ME2: variants seen among roughly 807,000 people sequenced by gnomAD.
ME2 encodes the protein malic enzyme 2, also known as NAD-dependent malic enzyme, mitochondrial.
A neutral mutation model predicts 73.7 loss-of-function variants in ME2; 60 were observed. That is an observed-to-expected ratio of 0.81 (90% CI 0.66 to 1.01). The LOEUF (loss-of-function observed/expected upper bound fraction) is 1.01, where lower values mean the gene tolerates loss of function less well. Among genes scored for constraint, ME2 ranks in the 50% least tolerant of loss-of-function variants. ME2 has a pLI of 0.00. For missense variants in ME2, 594 were observed against 705.5 expected (o/e 0.84, Z 1.79); for synonymous variants, 199 against 236.9 (o/e 0.84, Z 1.47).
chr18:50,906,131 A>G (rs1310689102), intron 2 of ME2, among the ~76,000 whole-genome samples: 2 of 152,090 alleles, frequency 1.3e-5, no homozygotes, highest in Non-Finnish European at 2.9e-5. Context: ...AATGTATTCA[A>G]AGATGTGAAT....
At chr18:50,925,707 C>G in intron 11 of ME2, 49 bp from the exon 12 acceptor site, 2 of 1,548,686 alleles carry the variant, frequency 1.3e-6, no homozygotes, top group Non-Finnish European at 1.8e-6. Context: ...ATAAGCATTG[C>G]TTTTATACCT....
intron 1 of ME2, among the ~76,000 whole-genome samples, chr18:50,894,748 G>T (rs999611622): frequency 6.6e-6 from 1 of 151,542 alleles, no homozygotes; most frequent in East Asian, 1.9e-4. Context: ...GTGGTGGCGG[G>T]CGCCTGTAGT....
At chr18:50,935,994 A>AC (rs1295205471) in intron 13 of ME2, among the ~76,000 whole-genome samples, 1 of 152,098 alleles carries the variant, frequency 6.6e-6, no homozygotes, top group African/African-American at 2.4e-5. Context: ...TTTTTTTAGA[A>AC]CTGGTGATTG....
intron 1 of ME2, among the ~76,000 whole-genome samples, chr18:50,887,592 T>C (rs1286786212): frequency 1.3e-5 from 2 of 152,240 alleles, no homozygotes; most frequent in African/African-American, 2.4e-5. Context: ...ACACCATAAG[T>C]AGAATCCTAA....
At chr18:50,897,603 G>A (rs548421638) in intron 2 of ME2, among the ~76,000 whole-genome samples, 1 of 152,124 alleles carries the variant, frequency 6.6e-6, no homozygotes, top group Non-Finnish European at 1.5e-5. Flanking sequence ...GCTTATGCCT[G>A]TAATCCCAGC....
chr18:50,879,811 T>C (rs1916269846), intron 1 of ME2, among the ~76,000 whole-genome samples: 1 of 152,184 alleles, frequency 6.6e-6, no homozygotes, highest in South Asian at 2.1e-4. Context: ...AGTTCTGAGA[T>C]TGGACCGATT....
At chr18:50,891,411 T>A (rs1916602396) in intron 1 of ME2, among the ~76,000 whole-genome samples, 1 of 152,166 alleles carries the variant, frequency 6.6e-6, no homozygotes, top group Admixed American at 6.5e-5. Context: ...TTGTTTTAAA[T>A]CTGAATTCTG....
At chr18:50,895,778 T>C (rs762987075) in intron 1 of ME2, 31 bp from the exon 2 acceptor site, 2 of 1,406,212 alleles carry the variant, frequency 1.4e-6, no homozygotes, top group South Asian at 1.2e-5. Context: ...TATGATTCTC[T>C]TCAGTGGTTT....
chr18:50,880,618 G>A (rs1189218514), intron 1 of ME2, among the ~76,000 whole-genome samples: 1 of 152,120 alleles, frequency 6.6e-6, no homozygotes, highest in Non-Finnish European at 1.5e-5. Context: ...GGGCTTCGCC[G>A]TATTGGCCAG....
chr18:50,922,366 G>A (rs1015537230), intron 10 of ME2, among the ~76,000 whole-genome samples: 8 of 152,226 alleles, frequency 5.3e-5, no homozygotes, highest in Non-Finnish European at 1.2e-4. Flanking sequence ...ATAAGTGACG[G>A]AGGTAGGATT....
At chr18:50,912,401 G>A (rs1308378800) in intron 3 of ME2, among the ~76,000 whole-genome samples, 1 of 152,134 alleles carries the variant, frequency 6.6e-6, no homozygotes, top group Non-Finnish European at 1.5e-5. Context: ...CAGGCATATA[G>A]TGTTAAGCAA....
intron 1 of ME2, among the ~76,000 whole-genome samples, chr18:50,879,544 C>G (rs948136841): frequency 1.3e-5 from 2 of 152,230 alleles, no homozygotes; most frequent in African/African-American, 4.8e-5. Flanking sequence ...GGCCGCGGCT[C>G]TACCCGGCGC....
In ME2 at chr18:50,918,190, G is replaced by A. The variant is rs772889243; in HGVS notation, c.711G>A (p.Glu237=). ...RTQQYDDLID[E]FMKAITDRYG... ...AACAGTATGATGACCTGATTGATGAGTTTATGAAAGCTATTACTGACAGGT... is the reference window on the plus strand; with the variant it reads ...AACAGTATGATGACCTGATTGATGAATTTATGAAAGCTATTACTGACAGGT... The change falls in exon 7 of 16, where the codon GAG becomes GAA. Residue 237 remains glutamate, a synonymous_variant. Coordinates refer to ENST00000321341, the MANE Select transcript of ME2 (RefSeq NM_002396.5). 8 of 1,609,104 alleles carry A rather than the reference G, an allele frequency of 5.0e-6. No homozygotes were observed. Among genetic ancestry groups the A allele is most frequent in the Non-Finnish European group, 6.8e-6 (8 of 1,176,586 alleles).
chr18:50,887,837 A>G (rs962880693), intron 1 of ME2, among the ~76,000 whole-genome samples: 1 of 152,226 alleles, frequency 6.6e-6, no homozygotes, highest in Non-Finnish European at 1.5e-5. Context: ...GAGACTGAAA[A>G]TTTATATCCA....
At chr18:50,923,001 T>G in intron 10 of ME2, among the ~76,000 whole-genome samples, 1 of 152,240 alleles carries the variant, frequency 6.6e-6, no homozygotes, top group Middle Eastern at 3.2e-3. Context: ...AGTATGTTTT[T>G]GTCTGCCTTA....
At chr18:50,915,350 C>G (rs1378428637) in intron 4 of ME2, 3 of 152,036 alleles carry the variant, frequency 2.0e-5, no homozygotes, top group African/African-American at 4.8e-5. Context: ...CAAAAACTAG[C>G]CAGGCATGGT....
chr18:50,894,892 A>G (rs201935687), intron 1 of ME2, among the ~76,000 whole-genome samples: 23 of 150,532 alleles, frequency 1.5e-4, no homozygotes, highest in African/African-American at 5.1e-4. Flanking sequence ...AAAAAAAAAA[A>G]TTTTTTTGAA....
intron 2 of ME2, among the ~76,000 whole-genome samples, chr18:50,902,555 G>A (rs908516686): frequency 1.3e-5 from 2 of 152,054 alleles, no homozygotes; most frequent in East Asian, 1.9e-4. Context: ...GTGCCACCAC[G>A]CCTGGCTAAT....
In ME2 at chr18:50,927,721, C is replaced by CGTAT. The variant is rs1555678357; in HGVS notation, c.1314+1823_1314+1824insGTAT. Among the ~76,000 whole-genome samples, 4 of 85,434 alleles carry CGTAT rather than the reference C, an allele frequency of 4.7e-5. No homozygotes were observed. The Admixed American group carries it at 7.2e-4, about 15-fold the overall frequency. The allele number at this position is 85,434 out of a possible 152,430, so 56.0% of individuals were successfully genotyped here. ...CATCTCAAAAAAAACCCCAAAAAAC[C>CGTAT]ATATATATATATATATATATATATA... On this transcript the variant is annotated intron_variant, in intron 12 of 15. Coordinates refer to ENST00000321341, the MANE Select transcript of ME2 (RefSeq NM_002396.5).
Sources: allele counts gnomAD v4.1 joint callset (sites outside exome capture counted in the v4.1 genomes callset), GRCh38; gene constraint gnomAD v4.1.1; transcripts MANE v1.5; gene names NCBI Gene and HGNC (gene_info 2026-07-23, HGNC 2026-07-21).